Variants in PDE10A observed in about 807,000 individuals in gnomAD.
PDE10A encodes cAMP and cAMP-inhibited cGMP 3',5'-cyclic phosphodiesterase 10A.
Under a neutral mutation model 97.7 loss-of-function variants are expected in PDE10A, and 39 were observed. The ratio of observed to expected loss-of-function variants is 0.40; its 90% CI spans 0.31 to 0.52. The LOEUF is 0.52. Ranked by LOEUF, PDE10A falls within the 20% of genes least tolerant of loss-of-function variation. PDE10A has a pLI of 0.56. For synonymous variants in PDE10A, 371 were observed against 376.8 expected (o/e 0.98, Z 0.18); for missense variants, 731 against 1,047.8 (o/e 0.70, Z 4.17).
chr6:165,510,131 A>T (rs1172923826), intron 2 of PDE10A, among the ~76,000 whole-genome samples: 1 of 152,056 alleles, frequency 6.6e-6, no homozygotes, highest in Admixed American at 6.6e-5. Flanking sequence ...GAGTGCTGAA[A>T]GTGGGCAGCC....
intron 6 of PDE10A, 64 bp downstream of exon 6, chr6:165,435,173 T>G: frequency 7.6e-7 from 1 of 1,316,738 alleles, no homozygotes; most frequent in Non-Finnish European, 1.1e-6. Context: ...CAAAATGATA[T>G]GCCATCTTTC....
chr6:165,757,933 A>G (rs952303989), intron 1 of PDE10A, among the ~76,000 whole-genome samples: 1 of 152,206 alleles, frequency 6.6e-6, no homozygotes, highest in Non-Finnish European at 1.5e-5. Context: ...TAATTTTTTA[A>G]AGTATACACT....
At chr6:165,494,361 T>G (rs1270039423) in intron 2 of PDE10A, among the ~76,000 whole-genome samples, 1 of 151,522 alleles carries the variant, frequency 6.6e-6, no homozygotes, top group Non-Finnish European at 1.5e-5. Flanking sequence ...AAAAAGATAC[T>G]TGCACATGCA....
At chr6:165,483,032 C>G (rs1415984622) in intron 2 of PDE10A, among the ~76,000 whole-genome samples, 1 of 152,174 alleles carries the variant, frequency 6.6e-6, no homozygotes, top group Non-Finnish European at 1.5e-5. Context: ...AACAAGCTGG[C>G]AGATACCTCC....
At chr6:165,445,910 G>GAC (rs377486003) in intron 5 of PDE10A, among the ~76,000 whole-genome samples, 5 of 151,950 alleles carry the variant, frequency 3.3e-5, no homozygotes, top group African/African-American at 1.2e-4. Context: ...GAGAGAGAGA[G>GAC]AGAGAGAGAA....
At chr6:165,523,945 A>T (rs935726511) in intron 2 of PDE10A, among the ~76,000 whole-genome samples, 4 of 152,078 alleles carry the variant, frequency 2.6e-5, no homozygotes, top group African/African-American at 9.7e-5. Flanking sequence ...AGACGGGCCC[A>T]CTCTTAATAA....
At position 165,662,646 on chromosome 6, in the gene PDE10A, G is replaced by C. The variant is rs998845811; in HGVS notation, c.166C>G (p.Arg56Gly). The C allele has an allele frequency of 5.7e-5, 8 of 141,588 alleles. No homozygotes were observed. Among genetic ancestry groups the C allele is most frequent in the African/African-American group, 2.0e-4 (8 of 39,544 alleles). 8.8% of individuals were successfully genotyped at this position (141,588 alleles called of 1,614,324 possible). A position where few individuals can be genotyped will look rare whatever the true frequency, so the allele number is the denominator to read the frequency against. Reference sequence around the variant, plus strand: ...GGCGCGGCGCGCTCCGCCCGGCCACGGCCAGGCCACTCGGGGGCCGGGCCC... The same window carrying C: ...GGCGCGGCGCGCTCCGCCCGGCCACCGCCAGGCCACTCGGGGGCCGGGCCC... ...GPGPAPEWPGRGRAERAAPPR... is the reference protein window; with the variant it reads ...GPGPAPEWPGGGRAERAAPPR... The change falls in exon 1 of 22, where the codon CGT (arginine) becomes GGT (glycine). Residue 56 changes from arginine to glycine, a missense_variant. Coordinates refer to ENST00000539869, the MANE Select transcript of PDE10A (RefSeq NM_001385079.1).
At chr6:165,474,673 A>G (rs974645403) in intron 3 of PDE10A, among the ~76,000 whole-genome samples, 6 of 152,108 alleles carry the variant, frequency 3.9e-5, no homozygotes, top group African/African-American at 1.4e-4. Context: ...AAAGTCAGAA[A>G]CAAGAAAAAA....
At chr6:165,913,688 C>T (rs1782529231) in intron 1 of PDE10A, among the ~76,000 whole-genome samples, 2 of 152,134 alleles carry the variant, frequency 1.3e-5, no homozygotes, top group Admixed American at 1.3e-4. Flanking sequence ...TGGCATGTGG[C>T]TTGGGTCACG....
chr6:165,958,725 AAGAAAGAAAGAAAGAAAGAAAG>A (rs1389138661), intron 1 of PDE10A, among the ~76,000 whole-genome samples: 5 of 12,438 alleles, frequency 4.0e-4, no homozygotes, highest in South Asian at 7.7e-3. Flanking sequence ...AGAAGAAAGA[AAGAAAGAAAGAAAGAAAGAAAG>A]AGAAAGAAAG....
At chr6:165,729,721 C>T (rs1412314457) in intron 1 of PDE10A, among the ~76,000 whole-genome samples, 1 of 151,858 alleles carries the variant, frequency 6.6e-6, no homozygotes, top group Non-Finnish European at 1.5e-5. Context: ...AAAGAGCAAG[C>T]TTTGAAAGTC....
At chr6:165,598,307 A>G (rs960899633) in intron 1 of PDE10A, among the ~76,000 whole-genome samples, 1 of 152,220 alleles carries the variant, frequency 6.6e-6, no homozygotes, top group East Asian at 1.9e-4. Context: ...AGCACCAACA[A>G]TATCAAAGAG....
At chr6:165,548,039 C>T (rs986989698) in intron 1 of PDE10A, among the ~76,000 whole-genome samples, 14 of 152,074 alleles carry the variant, frequency 9.2e-5, no homozygotes, top group African/African-American at 3.4e-4. Flanking sequence ...TATAATGGCC[C>T]TAGGTACTCA....
At chr6:165,609,520 A>G (rs913531927) in intron 1 of PDE10A, among the ~76,000 whole-genome samples, 2 of 152,204 alleles carry the variant, frequency 1.3e-5, no homozygotes. Flanking sequence ...CAATCAGGCA[A>G]GAGAAAGAAA....
At chr6:165,410,561 G>A (rs982878152) in intron 13 of PDE10A, among the ~76,000 whole-genome samples, 3 of 152,200 alleles carry the variant, frequency 2.0e-5, no homozygotes, top group East Asian at 3.9e-4. Context: ...CAGAATGAAC[G>A]GACGTAGAGA....
chr6:165,937,138 C>T (rs1228017364), intron 1 of PDE10A, among the ~76,000 whole-genome samples: 1 of 152,200 alleles, frequency 6.6e-6, no homozygotes, highest in Non-Finnish European at 1.5e-5. Flanking sequence ...AGGTCTTAGA[C>T]ACCCCTTGAG....
At chr6:165,820,592 C>CA (rs1296896278) in intron 1 of PDE10A, among the ~76,000 whole-genome samples, 1 of 152,202 alleles carries the variant, frequency 6.6e-6, no homozygotes, top group Non-Finnish European at 1.5e-5. Flanking sequence ...AGCATGAGCC[C>CA]AGGCCCCCCA....
chr6:165,435,192 ATAC>A (rs765410467), intron 6 of PDE10A, 42 bp downstream of exon 6: 1 of 1,505,040 alleles, frequency 6.6e-7, no homozygotes, highest in East Asian at 2.3e-5. Context: ...TCTTAATTAA[ATAC>A]TTTAGGTCAA....
chr6:165,646,727 C>A (rs928727131), intron 1 of PDE10A, among the ~76,000 whole-genome samples: 1 of 152,160 alleles, frequency 6.6e-6, no homozygotes, highest in Non-Finnish European at 1.5e-5. Flanking sequence ...AAACACAGTT[C>A]CGGGATGAGA....
Sources: gnomAD v4.1 joint callset for allele counts (sites outside exome capture counted in the v4.1 genomes callset) on GRCh38, gnomAD v4.1.1 for gene constraint, MANE v1.5 for transcripts, NCBI Gene and HGNC (gene_info 2026-07-23, HGNC 2026-07-21) for gene names.